Variants in STAG1 observed in about 807,000 individuals in gnomAD.
STAG1 encodes STAG1 cohesin complex component, also known as cohesin subunit SA-1.
A neutral mutation model predicts 170.9 loss-of-function variants in STAG1; 26 were observed. The ratio of observed to expected loss-of-function variants is 0.15; its 90% CI spans 0.11 to 0.21. The LOEUF (loss-of-function observed/expected upper bound fraction) is 0.21. Ranked by LOEUF, STAG1 falls within the 10% of genes least tolerant of loss-of-function variation. STAG1 has a pLI of 1.00. For missense variants in STAG1, 964 were observed against 1,509.5 expected, an observed-to-expected ratio of 0.64 and a Z score of 5.99; for synonymous variants, 514 against 497.7, an observed-to-expected ratio of 1.03 and a Z score of -0.44.
intron 9 of STAG1, among the ~76,000 whole-genome samples, chr3:136,492,236 T>C (rs1387185693): frequency 1.3e-5 from 2 of 152,234 alleles, no homozygotes; most frequent in African/African-American, 2.4e-5. Flanking sequence ...ACTACACTTG[T>C]ATTCTAGTTT....
chr3:136,620,034 G>A (rs970828505), intron 3 of STAG1, among the ~76,000 whole-genome samples: 2 of 151,800 alleles, frequency 1.3e-5, no homozygotes, highest in Admixed American at 1.3e-4. Context: ...CCACTGCACT[G>A]CAGCCTGGGT....
At chr3:136,367,794 A>T (rs188034017) in intron 24 of STAG1, among the ~76,000 whole-genome samples, 152 of 152,254 alleles carry the variant, frequency 1.0e-3, no homozygotes, top group Non-Finnish European at 1.7e-3. Flanking sequence ...CATATAAAAA[A>T]TTTTTAAAGC....
At chr3:136,614,662 C>G (rs1939491828) in intron 3 of STAG1, among the ~76,000 whole-genome samples, 1 of 152,168 alleles carries the variant, frequency 6.6e-6, no homozygotes, top group Non-Finnish European at 1.5e-5. Flanking sequence ...TTCTAGTAAA[C>G]TGTTTTAAAT....
intron 4 of STAG1, among the ~76,000 whole-genome samples, chr3:136,576,961 G>A (rs761017375): frequency 5.6e-4 from 86 of 152,298 alleles, no homozygotes; most frequent in Middle Eastern, 3.4e-3. Flanking sequence ...TTGGATTAAA[G>A]ATAGAGCTTA....
intron 19 of STAG1, among the ~76,000 whole-genome samples, chr3:136,422,005 A>C (rs982588799): frequency 3.3e-5 from 5 of 151,916 alleles, no homozygotes; most frequent in Admixed American, 3.3e-4. Flanking sequence ...AAAACAGCCA[A>C]GCGTGGTGAC....
chr3:136,595,254 C>A (rs1266837963), intron 4 of STAG1, among the ~76,000 whole-genome samples: 1 of 152,146 alleles, frequency 6.6e-6, no homozygotes, highest in Admixed American at 6.5e-5. Context: ...GATGTCCAAA[C>A]TACTCTCATA....
Position 136,450,440 on chromosome 3 carries a change from T to C in STAG1, c.1428+1593A>G, listed in dbSNP as rs559230960. Among the ~76,000 whole-genome samples the C allele has an allele frequency of 7.9e-5, 12 of 152,328 alleles. No homozygotes were observed. The East Asian group carries it at 2.3e-3, about 29-fold the overall frequency. ...TTTGTTTCTGACTTTATTTCTCTAG[T>C]CATTGGTAACTCTCTTAAAAAATGG... On this transcript the variant is annotated intron_variant, in intron 14 of 33. Coordinates refer to ENST00000383202, the MANE Select transcript of STAG1 (RefSeq NM_005862.3).
intron 21 of STAG1, among the ~76,000 whole-genome samples, chr3:136,406,313 T>C (rs957313428): frequency 6.6e-6 from 1 of 152,206 alleles, no homozygotes. Context: ...GGTTACATGC[T>C]GTATGATTTC....
intron 5 of STAG1, among the ~76,000 whole-genome samples, chr3:136,556,138 A>T (rs969976290): frequency 6.6e-6 from 1 of 152,244 alleles, no homozygotes; most frequent in Non-Finnish European, 1.5e-5. Context: ...CTATTTTTAA[A>T]AAACCATTAC....
chr3:136,535,909 A>G (rs1240623472), intron 6 of STAG1, among the ~76,000 whole-genome samples: 1 of 152,262 alleles, frequency 6.6e-6, no homozygotes, highest in Non-Finnish European at 1.5e-5. Context: ...ATCTGGCTTT[A>G]GCTGAAAAAT....
chr3:136,401,726 C>T (rs930970563), intron 21 of STAG1, among the ~76,000 whole-genome samples: 3 of 151,944 alleles, frequency 2.0e-5, no homozygotes, highest in Non-Finnish European at 4.4e-5. Context: ...TTTGAATAAA[C>T]GATGTATCTT....
At chr3:136,647,923 T>C (rs142751941) in intron 1 of STAG1, among the ~76,000 whole-genome samples, 1 of 152,356 alleles carries the variant, frequency 6.6e-6, no homozygotes, top group Non-Finnish European at 1.5e-5. Flanking sequence ...AAGTATTGTA[T>C]GATATTAAGA....
At chr3:136,533,842 A>G (rs530305799) in intron 6 of STAG1, among the ~76,000 whole-genome samples, 2 of 152,348 alleles carry the variant, frequency 1.3e-5, no homozygotes, top group East Asian at 1.9e-4. Context: ...TCCCTATCAA[A>G]ATATCAATGT....
chr3:136,476,496 G>A (rs921164056), intron 10 of STAG1, among the ~76,000 whole-genome samples: 4 of 152,180 alleles, frequency 2.6e-5, no homozygotes, highest in African/African-American at 9.7e-5. Flanking sequence ...GCAAACAAAA[G>A]TATTACGTAA....
intron 29 of STAG1, chr3:136,348,792 C>A: frequency 4.5e-6 from 1 of 222,902 alleles, no homozygotes; most frequent in South Asian, 6.4e-5. Context: ...AGAAATCTAC[C>A]CTCAAATTAC....
At chr3:136,654,511 C>T (rs989593139) in intron 1 of STAG1, among the ~76,000 whole-genome samples, 1 of 152,182 alleles carries the variant, frequency 6.6e-6, no homozygotes, top group Non-Finnish European at 1.5e-5. Flanking sequence ...ACACATCCCA[C>T]GTTTTTGGAT....
intron 15 of STAG1, among the ~76,000 whole-genome samples, chr3:136,436,227 A>T (rs1202646408): frequency 2.7e-5 from 4 of 150,820 alleles, no homozygotes; most frequent in Non-Finnish European, 4.4e-5. Flanking sequence ...AAGTGCTGAG[A>T]TTCCAAGCAT....
At chr3:136,456,322 T>C (rs1373008832) in intron 13 of STAG1, among the ~76,000 whole-genome samples, 3 of 151,998 alleles carry the variant, frequency 2.0e-5, no homozygotes, top group African/African-American at 7.3e-5. Flanking sequence ...AGAAACAATT[T>C]TTAAAAATCA....
intron 15 of STAG1, among the ~76,000 whole-genome samples, chr3:136,439,178 G>C (rs530833170): frequency 3.0e-4 from 34 of 111,692 alleles, no homozygotes; most frequent in Middle Eastern, 7.4e-3. Flanking sequence ...CTGGGCAACA[G>C]AGCAAGACCC....
Sources: gnomAD v4.1 joint callset for allele counts (sites outside exome capture counted in the v4.1 genomes callset) on GRCh38, gnomAD v4.1.1 for gene constraint, MANE v1.5 for transcripts, NCBI Gene and HGNC (gene_info 2026-07-23, HGNC 2026-07-21) for gene names.